The following GRIK3 variants were observed in gnomAD, a reference collection of about 807,000 sequenced individuals.
GRIK3 encodes the protein glutamate receptor ionotropic, kainate 3.
GRIK3 carries 29 observed loss-of-function variants against 102.5 expected under a neutral mutation model. The observed-to-expected ratio is 0.28, with a 90% CI of 0.21 to 0.39. GRIK3 has a LOEUF of 0.39. Ranked by LOEUF, GRIK3 falls within the 10% of genes least tolerant of loss-of-function variation. The pLI, the probability that GRIK3 is intolerant of heterozygous loss-of-function variation, is 1.00. For synonymous variants in GRIK3, 511 were observed against 504.9 expected (o/e 1.01, Z -0.16); for missense variants, 908 against 1,252.4 (o/e 0.73, Z 4.15).
chr1:36,819,109 G>T lies in GRIK3; in HGVS notation c.1873+627C>A, dbSNP rs1642668546. On this transcript the variant is annotated intron_variant, in intron 12 of 15. Coordinates refer to ENST00000373091, the MANE Select transcript of GRIK3 (RefSeq NM_000831.4). The surrounding 1 kb of genome is among the most constrained non-coding windows in gnomAD (Gnocchi z 4.1). ...AAGCACATTGGCCCTCCCTCCAGAGGATGTAAGAGAATTGCATCTTTTTGT... is the reference window on the plus strand; with the variant it reads ...AAGCACATTGGCCCTCCCTCCAGAGTATGTAAGAGAATTGCATCTTTTTGT... Among the ~76,000 whole-genome samples the T allele has an allele frequency of 6.6e-6, 1 of 152,224 alleles. No homozygotes were observed. Among genetic ancestry groups the T allele is most frequent in the South Asian group, 2.1e-4 (1 of 4,832 alleles).
At chr1:36,831,875 C>T (rs1640304493) in intron 10 of GRIK3, among the ~76,000 whole-genome samples, 2 of 152,236 alleles carry the variant, frequency 1.3e-5, no homozygotes, top group South Asian at 4.1e-4. Context: ...ATCTCTCTTC[C>T]TCCCAGGCTT....
At chr1:37,012,676 G>A (rs1642610579) in intron 1 of GRIK3, among the ~76,000 whole-genome samples, 1 of 152,174 alleles carries the variant, frequency 6.6e-6, no homozygotes, top group East Asian at 1.9e-4. Context: ...TGTTCCCAAG[G>A]TGACAGAGCA....
intron 1 of GRIK3, among the ~76,000 whole-genome samples, chr1:37,006,232 G>A (rs116224651): frequency 0.014 from 2,104 of 152,294 alleles, 31 homozygotes; most frequent in Non-Finnish European, 0.021. Context: ...ACCTTGGAGG[G>A]CAGACTCCAG....
rs539707664 is a variant in GRIK3 at position 36,964,013 on chromosome 1, C to A, written c.115+69981G>T. ...AAGGACAGGCAAAGGCCTGGGAGGC[C>A]AGCTGGGGATTCTCTGTACCACCGT... On this transcript the variant is annotated intron_variant, in intron 1 of 15. Coordinates refer to ENST00000373091, the MANE Select transcript of GRIK3 (RefSeq NM_000831.4). Among the ~76,000 whole-genome samples the A allele has an allele frequency of 3.3e-5, 5 of 152,298 alleles. No individual in the cohort carries two copies. In the East Asian group the frequency reaches 9.6e-4, roughly 29 times the overall value.
chr1:36,803,067 C>T (rs1316710237), intron 15 of GRIK3, among the ~76,000 whole-genome samples: 1 of 152,038 alleles, frequency 6.6e-6, no homozygotes, highest in East Asian at 1.9e-4. Flanking sequence ...AGATAATGAA[C>T]ACGTGAACAA....
At chr1:36,809,429 T>C (rs535382781) in intron 13 of GRIK3, among the ~76,000 whole-genome samples, 48 of 152,240 alleles carry the variant, frequency 3.2e-4, no homozygotes, top group African/African-American at 1.2e-3. Context: ...CATCCATCCC[T>C]TTCTCCTTCT....
At chr1:37,016,087 G>A (rs548672692) in intron 1 of GRIK3, among the ~76,000 whole-genome samples, 1 of 152,328 alleles carries the variant, frequency 6.6e-6, no homozygotes, top group East Asian at 1.9e-4. Context: ...GAAGAATCAG[G>A]AGTATCCTAA....
chr1:36,915,746 T>C (rs1641392176), intron 1 of GRIK3, among the ~76,000 whole-genome samples: 1 of 152,142 alleles, frequency 6.6e-6, no homozygotes, highest in Admixed American at 6.5e-5. Context: ...AAGACATGCC[T>C]TTCACCTTCC....
At chr1:36,851,042 T>C (rs1450228003) in intron 8 of GRIK3, among the ~76,000 whole-genome samples, 1 of 152,228 alleles carries the variant, frequency 6.6e-6, no homozygotes, top group Non-Finnish European at 1.5e-5. Flanking sequence ...CCTAAAGCCC[T>C]GGGCCTCTTG....
intron 1 of GRIK3, among the ~76,000 whole-genome samples, chr1:36,988,738 C>T (rs1642332300): frequency 6.6e-6 from 1 of 152,202 alleles, no homozygotes; most frequent in Non-Finnish European, 1.5e-5. Flanking sequence ...TTATTCTCTA[C>T]ATTAACTGCC....
At chr1:36,959,970 T>C (rs567542680) in intron 1 of GRIK3, among the ~76,000 whole-genome samples, 709 of 41,230 alleles carry the variant, frequency 0.017, 43 homozygotes, top group African/African-American at 0.071. Context: ...GCCCTGTGAG[T>C]CTATGCCCCA....
chr1:36,859,822 T>C, intron 6 of GRIK3, 22 bp downstream of exon 6: 1 of 1,600,104 alleles, frequency 6.2e-7, no homozygotes, highest in South Asian at 1.1e-5. Context: ...CCCCTGGAAT[T>C]CACCTCACCC....
At chr1:36,902,933 G>T (rs1641247385) in intron 1 of GRIK3, among the ~76,000 whole-genome samples, 1 of 152,052 alleles carries the variant, frequency 6.6e-6, no homozygotes, top group Admixed American at 6.5e-5. Context: ...GGGATAAGAG[G>T]CGTCCACCAC....
chr1:36,981,313 G>C (rs1557450750), intron 1 of GRIK3, among the ~76,000 whole-genome samples: 1 of 152,212 alleles, frequency 6.6e-6, no homozygotes, highest in Non-Finnish European at 1.5e-5. Flanking sequence ...CACAGGGCTG[G>C]GCTGGGCCTC....
At chr1:36,954,358 C>T (rs1557438891) in intron 1 of GRIK3, among the ~76,000 whole-genome samples, 1 of 152,226 alleles carries the variant, frequency 6.6e-6, no homozygotes, top group Admixed American at 6.5e-5. Context: ...AGAGGACTTG[C>T]TCAGTGAAGA....
At chr1:36,903,519 T>C (rs570747167) in intron 1 of GRIK3, among the ~76,000 whole-genome samples, 1 of 152,248 alleles carries the variant, frequency 6.6e-6, no homozygotes, top group East Asian at 1.9e-4. Context: ...TGCACATGGA[T>C]GTGTATAGCA....
intron 1 of GRIK3, among the ~76,000 whole-genome samples, chr1:36,946,136 C>T (rs1641781803): frequency 6.6e-6 from 1 of 151,406 alleles, no homozygotes; most frequent in Non-Finnish European, 1.5e-5. Context: ...TGAAGTTCCT[C>T]CATTAAAGTT....
At chr1:36,817,806 C>A (rs1642647556) in intron 12 of GRIK3, among the ~76,000 whole-genome samples, 1 of 152,204 alleles carries the variant, frequency 6.6e-6, no homozygotes, top group South Asian at 2.1e-4. Flanking sequence ...CTGTCCCAGC[C>A]TCACATAAAT....
chr1:36,922,477 G>C (rs1450707633), intron 1 of GRIK3, among the ~76,000 whole-genome samples: 1 of 152,162 alleles, frequency 6.6e-6, no homozygotes, highest in Non-Finnish European at 1.5e-5. Flanking sequence ...GTTAATGCCT[G>C]GCCATACAGG....
Sources: allele counts gnomAD v4.1 joint callset (sites outside exome capture counted in the v4.1 genomes callset), GRCh38; gene constraint gnomAD v4.1.1; non-coding constraint Gnocchi (gnomAD v3.1); transcripts MANE v1.5; gene names NCBI Gene and HGNC (gene_info 2026-07-23, HGNC 2026-07-21).